RAB27A: variants seen among roughly 807,000 people sequenced by gnomAD.
RAB27A encodes RAB27A, member RAS oncogene family, also known as ras-related protein Rab-27A.
RAB27A carries 17 observed loss-of-function variants against 20.8 expected under a neutral mutation model. The observed-to-expected ratio is 0.82, with a 90% CI of 0.56 to 1.23. The LOEUF is 1.23. RAB27A is among the 50% of genes most tolerant of loss of function. The pLI is 0.00. For missense variants in RAB27A, 277 were observed against 266.7 expected (o/e 1.04, Z -0.27); for synonymous variants, 85 against 92.8 (o/e 0.92, Z 0.48).
chr15:55,301,246 C>T (rs1936667814), intron 2 of RAB27A, among the ~76,000 whole-genome samples: 2 of 152,282 alleles, frequency 1.3e-5, no homozygotes, highest in Admixed American at 6.5e-5. Context: ...GCACAAACTA[C>T]CACGCTCGGC....
chr15:55,271,734 G>C (rs926765669), intron 1 of RAB27A, among the ~76,000 whole-genome samples: 3 of 152,218 alleles, frequency 2.0e-5, no homozygotes, highest in Non-Finnish European at 4.4e-5. Context: ...ATTATTGGGT[G>C]AAATGTCGGA....
chr15:55,301,643 A>G (rs1363067040), intron 2 of RAB27A, among the ~76,000 whole-genome samples: 1 of 109,370 alleles, frequency 9.1e-6, no homozygotes, highest in African/African-American at 3.5e-5. Context: ...CACCCTAAAA[A>G]TCTTTTTTTT....
At chr15:55,241,962 G>C (rs73409886) in intron 2 of RAB27A, among the ~76,000 whole-genome samples, 1,612 of 152,064 alleles carry the variant, frequency 0.011, 35 homozygotes, top group African/African-American at 0.037. Context: ...TAGTTAAGAG[G>C]AAAGGGAAAG....
At chr15:55,229,294 C>A (rs17550675) in intron 4 of RAB27A, among the ~76,000 whole-genome samples, 45,696 of 151,904 alleles carry the variant, frequency 0.3, 7,965 homozygotes, top group East Asian at 0.69. Context: ...GACAGGCAGG[C>A]TCCAGGGAAG....
At chr15:55,299,653 T>C (rs1181577847) in intron 2 of RAB27A, among the ~76,000 whole-genome samples, 2 of 145,804 alleles carry the variant, frequency 1.4e-5, no homozygotes, top group Non-Finnish European at 3.0e-5. Context: ...GGCTCCAGAA[T>C]AAAGGAAACA....
intron 2 of RAB27A, among the ~76,000 whole-genome samples, chr15:55,299,698 G>A (rs1834161476): frequency 2.0e-5 from 3 of 152,018 alleles, no homozygotes; most frequent in Non-Finnish European, 1.5e-5. Context: ...TATGATTCTG[G>A]ATTAGTTCTG....
At chr15:55,240,909 T>G (rs1361439788) in intron 2 of RAB27A, among the ~76,000 whole-genome samples, 1 of 152,160 alleles carries the variant, frequency 6.6e-6, no homozygotes, top group Non-Finnish European at 1.5e-5. Context: ...TCTAGCAAGG[T>G]CAAGAATGCA....
intron 6 of RAB27A, among the ~76,000 whole-genome samples, chr15:55,218,948 G>A (rs970577748): frequency 2.0e-5 from 3 of 151,978 alleles, no homozygotes; most frequent in African/African-American, 7.3e-5. Context: ...CACCATGTTG[G>A]CCAGGCTGGT....
rs117528381 is a variant in RAB27A at position 55,311,508 on chromosome 15, G to A, written c.-112+2531C>T. Among the ~76,000 whole-genome samples the A allele has an allele frequency of 1.4e-4, 21 of 152,186 alleles. 1 individual carries two copies. In the East Asian group the frequency reaches 3.7e-3, roughly 27 times the overall value. ...TAGTTGGGGAAGGAGTCGAGGGGAC[G>A]CTGGGGTAGGGAGGTAGACTCTGAG... On this transcript the variant is annotated intron_variant, in intron 2 of 5. Coordinates refer to the RAB27A transcript ENST00000563262.
chr15:55,266,284 T>C (rs1360642640), intron 2 of RAB27A, among the ~76,000 whole-genome samples: 1 of 152,216 alleles, frequency 6.6e-6, no homozygotes, highest in Non-Finnish European at 1.5e-5. Context: ...CTGAGCATGC[T>C]GATACCCTGA....
intron 6 of RAB27A, among the ~76,000 whole-genome samples, chr15:55,215,651 C>CAAAAAAAAAAAAAAAAAAAAA (rs562538229): frequency 1.3e-5 from 1 of 76,578 alleles, no homozygotes; most frequent in African/African-American, 6.0e-5. Context: ...GACTCCGTCT[C>CAAAAAAAAAAAAAAAAAAAAA]AAAAAAAAAA....
At chr15:55,233,444 G>A (rs1896126127) in intron 3 of RAB27A, among the ~76,000 whole-genome samples, 1 of 152,102 alleles carries the variant, frequency 6.6e-6, no homozygotes, top group Non-Finnish European at 1.5e-5. Flanking sequence ...TCTATCAACA[G>A]ACAAATGGAT....
At chr15:55,219,758 T>C (rs571831623) in intron 6 of RAB27A, among the ~76,000 whole-genome samples, 3 of 152,234 alleles carry the variant, frequency 2.0e-5, no homozygotes, top group Admixed American at 6.5e-5. Flanking sequence ...GAGTGCAAAT[T>C]TGAACAACTT....
At chr15:55,221,822 C>A (rs1895585797) in intron 6 of RAB27A, among the ~76,000 whole-genome samples, 1 of 152,102 alleles carries the variant, frequency 6.6e-6, no homozygotes, top group African/African-American at 2.4e-5. Flanking sequence ...ATGTTGTTAG[C>A]CCTGTGACAA....
chr15:55,298,352 C>T lies in RAB27A; in HGVS notation c.-112+15687G>A, dbSNP rs892971347. ...AAAAGAGAGAAATTTTAAAGCTGGG[C>T]GACCGGGGGAGACATCACATGTCGG... On this transcript the variant is annotated intron_variant, in intron 2 of 5. Coordinates refer to the RAB27A transcript ENST00000563262. 6.6e-5 allele frequency among the ~76,000 whole-genome samples: 10 copies of T among 152,098 alleles called. No individual in the cohort carries two copies. In the South Asian group the frequency reaches 1.2e-3, roughly 19 times the overall value.
upstream of RAB27A, among the ~76,000 whole-genome samples, chr15:55,291,146 G>A (rs989577106): frequency 7.2e-5 from 11 of 152,286 alleles, no homozygotes; most frequent in East Asian, 1.9e-3. Flanking sequence ...GATAACAAAT[G>A]TCCTAACAGG....
Position 55,205,365 on chromosome 15 carries a change from A to T in RAB27A, c.*142T>A. ...TGCAACAAATTAATTTTAGAACCGGATGCTTTATTCGTAGGTCTAATGGGG... is the reference window on the plus strand; with the variant it reads ...TGCAACAAATTAATTTTAGAACCGGTTGCTTTATTCGTAGGTCTAATGGGG... On this transcript the variant is annotated 3_prime_UTR_variant, in exon 7 of 7. Coordinates refer to ENST00000336787, the MANE Select transcript of RAB27A (RefSeq NM_183235.3). 1 of 811,902 alleles carries T rather than the reference A, an allele frequency of 1.2e-6. No homozygotes were observed. Among genetic ancestry groups the T allele is most frequent in the Non-Finnish European group, 2.1e-6 (1 of 475,590 alleles). 50.3% of individuals were successfully genotyped at this position (811,902 alleles called of 1,614,324 possible). A position where few individuals can be genotyped will look rare whatever the true frequency, so the allele number is the denominator to read the frequency against.
At chr15:55,299,361 A>G (rs1485423038) in intron 2 of RAB27A, among the ~76,000 whole-genome samples, 1 of 152,214 alleles carries the variant, frequency 6.6e-6, no homozygotes, top group Non-Finnish European at 1.5e-5. Flanking sequence ...TGGGAGGCCA[A>G]GGTGGGTGAA....
intron 2 of RAB27A, among the ~76,000 whole-genome samples, chr15:55,242,682 T>C (rs897754230): frequency 6.6e-6 from 1 of 152,170 alleles, no homozygotes; most frequent in African/African-American, 2.4e-5. Context: ...TACAATGATT[T>C]TGGGGCGCCC....
Sources: allele counts gnomAD v4.1 joint callset (sites outside exome capture counted in the v4.1 genomes callset), GRCh38; gene constraint gnomAD v4.1.1; transcripts MANE v1.5; gene names NCBI Gene and HGNC (gene_info 2026-07-23, HGNC 2026-07-21).